Variants in IGF2BP2 observed in about 807,000 individuals in gnomAD.
IGF2BP2 encodes insulin-like growth factor 2 mRNA-binding protein 2.
A neutral mutation model predicts 75.8 loss-of-function variants in IGF2BP2; 17 were observed. That is an observed-to-expected ratio of 0.22 (90% CI 0.15 to 0.34). The LOEUF is 0.34. Among genes scored for constraint, IGF2BP2 ranks in the 10% least tolerant of loss-of-function variants. The pLI, the probability that IGF2BP2 is intolerant of heterozygous loss-of-function variation, is 1.00. For missense variants in IGF2BP2, 516 were observed against 772.4 expected (o/e 0.67, Z 3.93); for synonymous variants, 288 against 295.6 (o/e 0.97, Z 0.26).
At chr3:185,656,030 T>C (rs1715381316) in intron 12 of IGF2BP2, among the ~76,000 whole-genome samples, 1 of 152,242 alleles carries the variant, frequency 6.6e-6, no homozygotes, top group Admixed American at 6.5e-5. Context: ...TGAGCCTCAC[T>C]TTTCTCTGCT....
Position 185,714,617 on chromosome 3 carries a change from T to A in IGF2BP2, c.240-16270A>T, listed in dbSNP as rs142213302. 5.9e-5 allele frequency among the ~76,000 whole-genome samples: 9 copies of A among 152,346 alleles called. No individual in the cohort carries two copies. In the East Asian group the frequency reaches 1.7e-3, roughly 29 times the overall value. The stretch of plus-strand genomic sequence containing the variant: ...GGTGAAAAATACTATCTTGTTTGCA[T>A]TTTAATTACAAATGAGGGTGATCAT... On this transcript the variant is annotated intron_variant, in intron 2 of 15. Coordinates refer to ENST00000382199, the MANE Select transcript of IGF2BP2 (RefSeq NM_006548.6).
intron 10 of IGF2BP2, among the ~76,000 whole-genome samples, chr3:185,669,479 G>GT (rs969841049): frequency 1.4e-5 from 2 of 139,808 alleles, no homozygotes; most frequent in Admixed American, 7.7e-5. Flanking sequence ...AGAGAAATGT[G>GT]TTTTTTGGGA....
intron 2 of IGF2BP2, among the ~76,000 whole-genome samples, chr3:185,805,452 C>A (rs575231857): frequency 1.3e-5 from 2 of 152,148 alleles, no homozygotes; most frequent in African/African-American, 4.8e-5. Flanking sequence ...AAATGAAGGG[C>A]AAATTAAGGA....
rs1321410605 is a variant in IGF2BP2, at chr3:185,647,905, A to C, written c.1594-767T>G. On this transcript the variant is annotated intron_variant, in intron 14 of 15. Coordinates refer to ENST00000382199, the MANE Select transcript of IGF2BP2 (RefSeq NM_006548.6). The surrounding 1 kb of genome is among the most constrained non-coding windows in gnomAD (Gnocchi z 4.9). Reference sequence around the variant, plus strand: ...GGAAACCTGAAAGTCTGGAGGATGCAGAGAATTCAGTGACTGGTTCTGAAA... The same window carrying C: ...GGAAACCTGAAAGTCTGGAGGATGCCGAGAATTCAGTGACTGGTTCTGAAA... Among the ~76,000 whole-genome samples, 3 of 152,330 alleles carry C rather than the reference A, an allele frequency of 2.0e-5. No individual in the cohort carries two copies. The East Asian group carries it at 5.8e-4, about 29-fold the overall frequency.
intron 2 of IGF2BP2, among the ~76,000 whole-genome samples, chr3:185,768,797 T>C (rs769946205): frequency 1.1e-4 from 17 of 152,208 alleles, no homozygotes; most frequent in African/African-American, 4.1e-4. Flanking sequence ...TTTGGGAGGC[T>C]GAGGCGGGTG....
intron 10 of IGF2BP2, 46 bp downstream of exon 10, chr3:185,672,495 G>C (rs1453256598): frequency 1.3e-6 from 2 of 1,591,542 alleles, no homozygotes; most frequent in East Asian, 2.3e-5. Flanking sequence ...CTGCTGCCTG[G>C]AGGTGCCCAG....
chr3:185,654,514 C>T (rs1011002627), intron 12 of IGF2BP2, among the ~76,000 whole-genome samples: 62 of 152,224 alleles, frequency 4.1e-4, no homozygotes, highest in African/African-American at 1.4e-3. Flanking sequence ...CTGCCATCAC[C>T]GTCCACTTCG....
intron 2 of IGF2BP2, among the ~76,000 whole-genome samples, chr3:185,728,024 C>T (rs1062903): frequency 1.3e-5 from 2 of 152,238 alleles, no homozygotes; most frequent in Admixed American, 6.5e-5. Flanking sequence ...TATAATGCCC[C>T]GGAGATGACT....
intron 2 of IGF2BP2, chr3:185,814,139 G>A (rs1740293089): frequency 6.6e-6 from 1 of 152,090 alleles, no homozygotes; most frequent in Admixed American, 6.6e-5. Context: ...ATGTACACAT[G>A]GTTTAGTCAC....
chr3:185,775,890 A>C (rs956157328), intron 2 of IGF2BP2, among the ~76,000 whole-genome samples: 9 of 152,246 alleles, frequency 5.9e-5, no homozygotes, highest in Admixed American at 2.0e-4. Context: ...CTTATATATA[A>C]GCGTGAATAA....
At chr3:185,760,752 C>A (rs1252852205) in intron 2 of IGF2BP2, among the ~76,000 whole-genome samples, 1 of 152,194 alleles carries the variant, frequency 6.6e-6, no homozygotes, top group Non-Finnish European at 1.5e-5. Flanking sequence ...GATTCCCTAG[C>A]AGGCTCTCCT....
At chr3:185,773,598 C>T (rs776606487) in intron 2 of IGF2BP2, among the ~76,000 whole-genome samples, 2 of 152,032 alleles carry the variant, frequency 1.3e-5, no homozygotes, top group Non-Finnish European at 2.9e-5. Context: ...TACATAAAAA[C>T]TAAGTTAGGA....
At chr3:185,811,830 G>GTCTGTCTCTCTCTCTCTCTC (rs1739881258) in intron 2 of IGF2BP2, among the ~76,000 whole-genome samples, 3 of 120,694 alleles carry the variant, frequency 2.5e-5, no homozygotes, top group Non-Finnish European at 5.3e-5. Context: ...AGAGTAGGGT[G>GTCTGTCTCTCTCTCTCTCTC]TCTCTCTCTC....
rs554685058 is a variant in IGF2BP2 at position 185,804,169 on chromosome 3, T to C, written c.239+18984A>G. Among the ~76,000 whole-genome samples the C allele has an allele frequency of 1.7e-3, 250 of 148,424 alleles. 1 individual carries two copies. The highest frequency in any genetic ancestry group is 6.1e-3 in the African/African-American group (242 of 39,876). ...CTACTCGGGAGACTGAGGCAGAGAA[T>C]CACTTGAACCCAGGAGGCAGAGGTT... On this transcript the variant is annotated intron_variant, in intron 2 of 15. Coordinates refer to ENST00000382199, the MANE Select transcript of IGF2BP2 (RefSeq NM_006548.6).
At chr3:185,809,644 G>C (rs969896194) in intron 2 of IGF2BP2, among the ~76,000 whole-genome samples, 1 of 150,302 alleles carries the variant, frequency 6.7e-6, no homozygotes, top group Non-Finnish European at 1.5e-5. Context: ...AGAAAGGAAA[G>C]AAAGAAAAAA....
At chr3:185,748,091 G>C (rs766108434) in intron 2 of IGF2BP2, among the ~76,000 whole-genome samples, 1 of 152,036 alleles carries the variant, frequency 6.6e-6, no homozygotes, top group Non-Finnish European at 1.5e-5. Context: ...TCCTGACCTT[G>C]TGATCCATTT....
At chr3:185,789,159 A>T (rs1261394462) in intron 2 of IGF2BP2, among the ~76,000 whole-genome samples, 1 of 152,208 alleles carries the variant, frequency 6.6e-6, no homozygotes, top group Non-Finnish European at 1.5e-5. Context: ...CAAAGACTGT[A>T]AAAGATTTTC....
At chr3:185,650,257 G>A (rs963689501) in intron 13 of IGF2BP2, among the ~76,000 whole-genome samples, 1 of 151,604 alleles carries the variant, frequency 6.6e-6, no homozygotes, top group Admixed American at 6.6e-5. Flanking sequence ...AAAGGCAGAG[G>A]AGCCAAGAAC....
At chr3:185,690,660 A>T (rs1229006169) in intron 5 of IGF2BP2, among the ~76,000 whole-genome samples, 1 of 152,222 alleles carries the variant, frequency 6.6e-6, no homozygotes, top group Non-Finnish European at 1.5e-5. Flanking sequence ...ACAAATTCCT[A>T]GTAGAATTGT....
Sources: allele counts gnomAD v4.1 joint callset (sites outside exome capture counted in the v4.1 genomes callset), GRCh38; gene constraint gnomAD v4.1.1; non-coding constraint Gnocchi (gnomAD v3.1); transcripts MANE v1.5; gene names NCBI Gene and HGNC (gene_info 2026-07-23, HGNC 2026-07-21).